The following SPAG16 variants were observed in gnomAD, a reference collection of about 807,000 sequenced individuals.
SPAG16 encodes the protein sperm-associated antigen 16 protein.
SPAG16 carries 86 observed loss-of-function variants against 80.4 expected under a neutral mutation model. That is an observed-to-expected ratio of 1.07 (90% confidence interval 0.90 to 1.28). The LOEUF (loss-of-function observed/expected upper bound fraction) is 1.28. Ranked by LOEUF, SPAG16 falls within the 50% of genes most tolerant of loss-of-function variation. The pLI is 0.00. For missense variants in SPAG16, 870 were observed against 765.3 expected (o/e 1.14, Z -1.61); for synonymous variants, 294 against 265.9 (o/e 1.11, Z -1.03).
chr2:214,007,992 A>G (rs1301468032), intron 12 of SPAG16, among the ~76,000 whole-genome samples: 1 of 152,070 alleles, frequency 6.6e-6, no homozygotes, highest in African/African-American at 2.4e-5. Flanking sequence ...CCCCTCTCTG[A>G]TAACACAATT....
chr2:213,961,748 A>C (rs2044439570), intron 12 of SPAG16, among the ~76,000 whole-genome samples: 1 of 152,070 alleles, frequency 6.6e-6, no homozygotes, highest in African/African-American at 2.4e-5. Flanking sequence ...CATTGTGTAT[A>C]ATCCATTTTA....
At chr2:214,198,279 T>C (rs2057904615) in intron 15 of SPAG16, among the ~76,000 whole-genome samples, 1 of 152,010 alleles carries the variant, frequency 6.6e-6, no homozygotes, top group South Asian at 2.1e-4. Context: ...GTCCTCAAAG[T>C]ACATTATATC....
At chr2:213,348,116 T>G (rs1410807813) in intron 6 of SPAG16, among the ~76,000 whole-genome samples, 1 of 152,194 alleles carries the variant, frequency 6.6e-6, no homozygotes, top group Admixed American at 6.5e-5. Flanking sequence ...CTTGTCAAAT[T>G]GATCCCTTTA....
At chr2:214,129,676 T>C (rs775844772) in intron 14 of SPAG16, among the ~76,000 whole-genome samples, 11 of 152,152 alleles carry the variant, frequency 7.2e-5, no homozygotes, top group African/African-American at 2.2e-4. Flanking sequence ...ATGAATTTCA[T>C]GCGAAGGCTT....
At chr2:213,315,513 A>G (rs925885829) in intron 4 of SPAG16, among the ~76,000 whole-genome samples, 2 of 151,886 alleles carry the variant, frequency 1.3e-5, no homozygotes, top group African/African-American at 2.4e-5. Context: ...AATATCTCAC[A>G]TTTTAAAAAA....
chr2:214,099,314 T>G (rs903082760), intron 13 of SPAG16, among the ~76,000 whole-genome samples: 1 of 152,128 alleles, frequency 6.6e-6, no homozygotes, highest in African/African-American at 2.4e-5. Context: ...TATCCCTTAC[T>G]TGTGTAGGCA....
At position 214,384,091 on chromosome 2, in the gene SPAG16, A is replaced by G. The variant is rs566636392; in HGVS notation, c.1721-26049A>G. 2.7e-3 allele frequency among the ~76,000 whole-genome samples: 410 copies of G among 152,334 alleles called. 2 individuals carry two copies. Among genetic ancestry groups the G allele is most frequent in the African/African-American group, 9.2e-3 (383 of 41,572 alleles). The stretch of plus-strand genomic sequence containing the variant: ...ACTAAAGTGTCCAAGACCATCTCAG[A>G]ATATTTCAATTTAAAACCAAATCTG... On this transcript the variant is annotated intron_variant, in intron 15 of 15. Coordinates refer to ENST00000331683, the MANE Select transcript of SPAG16 (RefSeq NM_024532.5).
intron 15 of SPAG16, among the ~76,000 whole-genome samples, chr2:214,364,440 G>A (rs1699361559): frequency 6.6e-6 from 1 of 152,090 alleles, no homozygotes; most frequent in Non-Finnish European, 1.5e-5. Flanking sequence ...ATAGGTGAAA[G>A]TTATTTACCT....
intron 10 of SPAG16, among the ~76,000 whole-genome samples, chr2:213,595,466 A>G (rs1392962918): frequency 6.6e-6 from 1 of 152,184 alleles, no homozygotes; most frequent in African/African-American, 2.4e-5. Context: ...TTCTTTTAAC[A>G]TATATCAAAC....
At chr2:213,619,275 G>A (rs2061695248) in intron 10 of SPAG16, among the ~76,000 whole-genome samples, 1 of 152,018 alleles carries the variant, frequency 6.6e-6, no homozygotes. Context: ...TAGGGGAAAT[G>A]GTTCAGGACA....
intron 15 of SPAG16, among the ~76,000 whole-genome samples, chr2:214,233,344 A>ATGATG (rs377652832): frequency 0.081 from 12,011 of 148,580 alleles, 559 homozygotes; most frequent in Middle Eastern, 0.11. Context: ...AATAGATAAT[A>ATGATG]ATGATGATGA....
intron 9 of SPAG16, among the ~76,000 whole-genome samples, chr2:213,471,725 C>T (rs2073090513): frequency 6.6e-6 from 1 of 152,190 alleles, no homozygotes; most frequent in Non-Finnish European, 1.5e-5. Flanking sequence ...GAGCCTTCTC[C>T]TGTTCTGGAG....
intron 10 of SPAG16, among the ~76,000 whole-genome samples, chr2:213,769,876 A>T (rs550718100): frequency 1.3e-5 from 2 of 152,178 alleles, no homozygotes; most frequent in Non-Finnish European, 2.9e-5. Flanking sequence ...GACATGGAAC[A>T]TTGCTATCAA....
Position 213,577,523 on chromosome 2 carries a change from A to G in SPAG16, c.1070+87433A>G, listed in dbSNP as rs150607691. Among the ~76,000 whole-genome samples the G allele has an allele frequency of 3.5e-3, 540 of 152,244 alleles. 6 individuals carry two copies. Among genetic ancestry groups the G allele is most frequent in the African/African-American group, 0.012 (508 of 41,560 alleles). ...CCATCTCAACTGTTTATTTCTGCTC[A>G]AATACATTAACTATTCCAAAGTCTG... On this transcript the variant is annotated intron_variant, in intron 10 of 15. Coordinates refer to ENST00000331683, the MANE Select transcript of SPAG16 (RefSeq NM_024532.5).
chr2:213,862,731 A>G (rs1175818879), intron 11 of SPAG16, 103 bp downstream of exon 11: 3 of 1,288,332 alleles, frequency 2.3e-6, no homozygotes, highest in African/African-American at 1.5e-5. Flanking sequence ...TTCTTTCTGC[A>G]ACAACACACC....
chr2:214,387,027 A>G (rs1439122196), intron 15 of SPAG16, among the ~76,000 whole-genome samples: 1 of 152,178 alleles, frequency 6.6e-6, no homozygotes. Context: ...TTGACACATT[A>G]TCTTTTTACC....
At chr2:213,897,613 T>TG (rs1179707024) in intron 11 of SPAG16, among the ~76,000 whole-genome samples, 4 of 92,158 alleles carry the variant, frequency 4.3e-5, no homozygotes, top group African/African-American at 1.1e-4. Context: ...CTCATCTGCC[T>TG]ATATTGGTCT....
In SPAG16 at chr2:214,059,262, A is replaced by G. The variant is rs981462405; in HGVS notation, c.1527+45185A>G. Among the ~76,000 whole-genome samples, 37 of 143,836 alleles carry G rather than the reference A, an allele frequency of 2.6e-4. 1 individual carries two copies. The South Asian group carries it at 2.8e-3, about 11-fold the overall frequency. The allele number at this position is 143,836 out of a possible 152,430, so 94.4% of individuals were successfully genotyped here. ...TATATGTATGTATATATATGTATGT[A>G]TATATATATATATAATCAAGAATTT... On this transcript the variant is annotated intron_variant, in intron 13 of 15. Coordinates refer to ENST00000331683, the MANE Select transcript of SPAG16 (RefSeq NM_024532.5).
intron 12 of SPAG16, among the ~76,000 whole-genome samples, chr2:213,947,129 A>G (rs1430152376): frequency 1.3e-5 from 2 of 152,174 alleles, no homozygotes; most frequent in African/African-American, 4.8e-5. Context: ...CCAGTTTGGG[A>G]ATATCACAGA....
Sources: allele counts gnomAD v4.1 joint callset (sites outside exome capture counted in the v4.1 genomes callset), GRCh38; gene constraint gnomAD v4.1.1; transcripts MANE v1.5; gene names NCBI Gene and HGNC (gene_info 2026-07-23, HGNC 2026-07-21).